The following DLGAP1 variants were observed in gnomAD, a reference collection of about 807,000 sequenced individuals.
DLGAP1 encodes the protein DLG associated protein 1.
In DLGAP1, 11 loss-of-function variants were observed where a neutral mutation model predicts 90.8. The ratio of observed to expected loss-of-function variants is 0.12; its 90% CI spans 0.08 to 0.20. DLGAP1 has a LOEUF of 0.20. DLGAP1 is among the 10% of genes least tolerant of loss of function. The pLI, the probability that DLGAP1 is intolerant of heterozygous loss-of-function variation, is 1.00. For missense variants in DLGAP1, 1,050 were observed against 1,333.8 expected (o/e 0.79, Z 3.31); for synonymous variants, 558 against 540.7 (o/e 1.03, Z -0.44).
chr18:3,714,069 T>C lies in DLGAP1; in HGVS notation c.1591+15066A>G, dbSNP rs116439761. On this transcript the variant is annotated intron_variant, in intron 7 of 12. Transcript: ENST00000315677. ...GGTACGGTGTTAACATCAGAAACAA[T>C]TTCTTAGGAAAGAATTTTATCTAAG... Among the ~76,000 whole-genome samples, 563 of 152,278 alleles carry C rather than the reference T, an allele frequency of 3.7e-3. 9 individuals are homozygous for C. Among genetic ancestry groups the C allele is most frequent in the African/African-American group, 0.013 (539 of 41,552 alleles).
chr18:3,825,805 C>A lies in DLGAP1; in HGVS notation c.958-11532G>T, dbSNP rs117306696. The stretch of plus-strand genomic sequence containing the variant: ...TATATAGGAAAATAAAGCACTCTAC[C>A]AAAAATACACCTGCACTCACATGTT... On this transcript the variant is annotated intron_variant, in intron 4 of 12. Transcript: ENST00000315677. Among the ~76,000 whole-genome samples, 1,392 of 152,136 alleles carry A rather than the reference C, an allele frequency of 9.1e-3. 58 individuals carry two copies. Among genetic ancestry groups the A allele is most frequent in the East Asian group, 0.062 (323 of 5,178 alleles).
chr18:3,667,032 G>T (rs200683169), intron 7 of DLGAP1, among the ~76,000 whole-genome samples: 1 of 151,980 alleles, frequency 6.6e-6, no homozygotes, highest in East Asian at 1.9e-4. Flanking sequence ...GCTTCCCAAA[G>T]CTCTGGGATT....
intron 9 of DLGAP1, among the ~76,000 whole-genome samples, chr18:3,556,309 A>G (rs201702045): frequency 6.2e-5 from 8 of 129,802 alleles, no homozygotes; most frequent in African/African-American, 2.2e-4. Context: ...ATTATCACCC[A>G]AAGTCCATGG....
chr18:3,560,146 C>T lies in DLGAP1; in HGVS notation c.2057+7344G>A, dbSNP rs9675691. Among the ~76,000 whole-genome samples the T allele has an allele frequency of 4.1e-3, 624 of 151,798 alleles. 5 individuals carry two copies. The highest frequency in any genetic ancestry group is 0.014 in the African/African-American group (585 of 41,448). On this transcript the variant is annotated intron_variant, in intron 9 of 12. Coordinates refer to ENST00000315677, the MANE Select transcript of DLGAP1 (RefSeq NM_004746.4). ...TTAAGAATGAGAAAAATGGGCCAGG[C>T]GCAGTGGCTCACGCCTGTAATCCCA...
intron 1 of DLGAP1, chr18:4,295,384 C>T (rs523436): frequency 0.57 from 86,661 of 152,024 alleles, 28,930 homozygotes; most frequent in South Asian, 0.79. Context: ...TTAGATGGGC[C>T]TCAATAAAAT....
chr18:3,569,539 T>C (rs1043685343), intron 8 of DLGAP1, among the ~76,000 whole-genome samples: 4 of 152,026 alleles, frequency 2.6e-5, no homozygotes, highest in Admixed American at 2.0e-4. Context: ...CCAGCTTTTA[T>C]GGTTTGGAAA....
intron 6 of DLGAP1, among the ~76,000 whole-genome samples, chr18:3,737,388 A>C (rs1198142403): frequency 6.8e-6 from 1 of 147,740 alleles, no homozygotes; most frequent in African/African-American, 2.5e-5. Flanking sequence ...AATACTGGCA[A>C]AACGAATCCA....
chr18:3,857,285 A>T (rs1446987111), intron 4 of DLGAP1, among the ~76,000 whole-genome samples: 2 of 152,240 alleles, frequency 1.3e-5, no homozygotes, highest in Non-Finnish European at 2.9e-5. Context: ...ATTGAAAATG[A>T]CATTTATGGT....
chr18:3,512,247 T>C (rs2050585910), intron 10 of DLGAP1, among the ~76,000 whole-genome samples: 1 of 152,192 alleles, frequency 6.6e-6, no homozygotes, highest in Non-Finnish European at 1.5e-5. Context: ...TAATAAGCCT[T>C]GTATTGCTGG....
At chr18:4,292,742 G>A (rs1170044334) in intron 1 of DLGAP1, among the ~76,000 whole-genome samples, 4 of 152,130 alleles carry the variant, frequency 2.6e-5, no homozygotes, top group African/African-American at 9.7e-5. Flanking sequence ...AATTTCAAGG[G>A]TAGTCTTTTC....
At position 3,879,292 on chromosome 18, in the gene DLGAP1, G is replaced by A. The variant is rs780320983; in HGVS notation, c.777C>T (p.Cys259=). The change falls in exon 4 of 13, where the codon TGC becomes TGT. Residue 259 remains cysteine, a synonymous_variant. Transcript: ENST00000315677. This position sits in a 1 kb window ranked among gnomAD's most constrained non-coding sequence, Gnocchi z 6.6. ...KASRSNNDVK[C]STCANLPVSL... is the part of the protein sequence containing the mutation. ...TGACCGGCAGGTTGGCGCAGGTGGA[G>A]CACTTGACGTCGTTGTTGCTCCGGG... 1.3e-6 allele frequency: 2 copies of A among 1,596,366 alleles called. No homozygotes were observed. Among genetic ancestry groups the A allele is most frequent in the African/African-American group, 1.3e-5 (1 of 74,606 alleles).
At chr18:4,063,137 GT>G (rs1270779866) in intron 2 of DLGAP1, among the ~76,000 whole-genome samples, 1 of 152,080 alleles carries the variant, frequency 6.6e-6, no homozygotes, top group Non-Finnish European at 1.5e-5. Context: ...CAAAAGGAGA[GT>G]TTTTCTTGGT....
At chr18:4,014,838 C>G (rs1395565958) in intron 2 of DLGAP1, among the ~76,000 whole-genome samples, 1 of 152,098 alleles carries the variant, frequency 6.6e-6, no homozygotes, top group Non-Finnish European at 1.5e-5. Context: ...TTTGATTGGT[C>G]CTGCAGAGGT....
intron 9 of DLGAP1, among the ~76,000 whole-genome samples, chr18:3,549,553 G>A (rs923476470): frequency 1.3e-5 from 2 of 152,088 alleles, no homozygotes; most frequent in African/African-American, 4.8e-5. Context: ...GGCTGATCTC[G>A]AAATCCTGAC....
intron 5 of DLGAP1, among the ~76,000 whole-genome samples, chr18:3,813,266 A>G (rs981680132): frequency 6.6e-6 from 1 of 152,202 alleles, no homozygotes; most frequent in Non-Finnish European, 1.5e-5. Flanking sequence ...TACATAAACA[A>G]ATACTTACCA....
intron 1 of DLGAP1, among the ~76,000 whole-genome samples, chr18:4,174,974 G>T (rs1402814012): frequency 6.6e-6 from 1 of 152,160 alleles, no homozygotes; most frequent in African/African-American, 2.4e-5. Flanking sequence ...TTTCCACAGT[G>T]TATATGTACC....
At chr18:3,661,101 T>C (rs1234353136) in intron 7 of DLGAP1, among the ~76,000 whole-genome samples, 2 of 152,246 alleles carry the variant, frequency 1.3e-5, no homozygotes, top group Non-Finnish European at 2.9e-5. Context: ...TTTCACTATG[T>C]TTCTTAGGCT....
At chr18:4,351,168 A>G (rs1244736365) in intron 1 of DLGAP1, among the ~76,000 whole-genome samples, 2 of 152,186 alleles carry the variant, frequency 1.3e-5, no homozygotes, top group African/African-American at 4.8e-5. Context: ...AAGGAATATC[A>G]AGGTGGAATT....
intron 7 of DLGAP1, among the ~76,000 whole-genome samples, chr18:3,676,538 C>A (rs771361505): frequency 6.6e-5 from 10 of 152,166 alleles, no homozygotes; most frequent in Non-Finnish European, 1.3e-4. Context: ...GACAATGTAG[C>A]AGCTTCAGTA....
Sources: allele counts gnomAD v4.1 joint callset (sites outside exome capture counted in the v4.1 genomes callset), GRCh38; gene constraint gnomAD v4.1.1; non-coding constraint Gnocchi (gnomAD v3.1); transcripts MANE v1.5; gene names NCBI Gene and HGNC (gene_info 2026-07-23, HGNC 2026-07-21).